Variants in ACVR1 observed in about 807,000 individuals in gnomAD.
ACVR1 encodes activin A receptor type 1.
In ACVR1, 38 loss-of-function variants were observed where a neutral mutation model predicts 57.1. The ratio of observed to expected loss-of-function variants is 0.67; its 90% CI spans 0.51 to 0.87. ACVR1 has a LOEUF of 0.87. Among genes scored for constraint, ACVR1 ranks in the 40% least tolerant of loss-of-function variants. The pLI is 0.00. For synonymous variants in ACVR1, 212 were observed against 228.1 expected, an observed-to-expected ratio of 0.93 and a Z score of 0.63; for missense variants, 463 against 638.2, an observed-to-expected ratio of 0.73 and a Z score of 2.96.
At chr2:157,803,460 GA>G (rs1687399526) in intron 2 of ACVR1, among the ~76,000 whole-genome samples, 1 of 151,828 alleles carries the variant, frequency 6.6e-6, no homozygotes, top group Non-Finnish European at 1.5e-5. Context: ...CAAAAGGAAA[GA>G]AAAAAAGAAT....
At chr2:157,738,294 A>T in intron 10 of ACVR1, 146 bp downstream of exon 10, 1 of 1,258,628 alleles carries the variant, frequency 7.9e-7, no homozygotes, top group East Asian at 2.4e-5. Flanking sequence ...ACTCTTCTAG[A>T]TCTAAACCCT....
chr2:157,764,376 T>G (rs975536658), intron 8 of ACVR1, among the ~76,000 whole-genome samples: 5 of 150,186 alleles, frequency 3.3e-5, no homozygotes, highest in African/African-American at 1.2e-4. Flanking sequence ...TTTTTTTTTT[T>G]TTTGTATTTT....
intron 3 of ACVR1, among the ~76,000 whole-genome samples, chr2:157,781,949 A>G (rs563316110): frequency 6.6e-6 from 1 of 152,252 alleles, no homozygotes; most frequent in South Asian, 2.1e-4. Flanking sequence ...CCAAAGGTCT[A>G]TGGCACATAG....
intron 2 of ACVR1, among the ~76,000 whole-genome samples, chr2:157,811,850 T>A (rs1687761761): frequency 1.3e-5 from 2 of 152,220 alleles, no homozygotes; most frequent in Admixed American, 6.5e-5. Flanking sequence ...AGAAATTGTT[T>A]TCAGTTTTCA....
chr2:157,752,511 A>G (rs1685244203), intron 9 of ACVR1, among the ~76,000 whole-genome samples: 1 of 152,254 alleles, frequency 6.6e-6, no homozygotes, highest in African/African-American at 2.4e-5. Flanking sequence ...TATTAAGCTA[A>G]TCAAGGAGGC....
chr2:157,866,444 CG>C (rs568810076), intron 1 of ACVR1, among the ~76,000 whole-genome samples: 5 of 151,790 alleles, frequency 3.3e-5, no homozygotes, highest in South Asian at 2.1e-4. Flanking sequence ...CCAAGGGAGG[CG>C]GGGGGGAAAG....
chr2:157,817,943 A>G (rs375280004), intron 2 of ACVR1, among the ~76,000 whole-genome samples: 1 of 150,894 alleles, frequency 6.6e-6, no homozygotes. Context: ...TGGAGGTTGC[A>G]GTGAACCGAG....
At chr2:157,750,330 T>C (rs946810512) in intron 9 of ACVR1, among the ~76,000 whole-genome samples, 7 of 152,236 alleles carry the variant, frequency 4.6e-5, no homozygotes, top group African/African-American at 4.8e-5. Context: ...TTCGATTCCA[T>C]TGGTGCTCAC....
chr2:157,827,781 T>C (rs1302738312), intron 1 of ACVR1, among the ~76,000 whole-genome samples: 1 of 152,114 alleles, frequency 6.6e-6, no homozygotes, highest in Non-Finnish European at 1.5e-5. Context: ...TCCAGGTCGA[T>C]GGAGGTAACA....
intron 3 of ACVR1, among the ~76,000 whole-genome samples, chr2:157,792,094 A>G (rs1418731721): frequency 6.6e-6 from 1 of 151,674 alleles, no homozygotes; most frequent in East Asian, 1.9e-4. Flanking sequence ...AGTCATCCCC[A>G]CCCCAATCCC....
At chr2:157,777,921 C>A (rs1229730546) in intron 5 of ACVR1, among the ~76,000 whole-genome samples, 2 of 152,156 alleles carry the variant, frequency 1.3e-5, no homozygotes, top group Non-Finnish European at 2.9e-5. Flanking sequence ...TAAATCCCAT[C>A]CCTTATTTAA....
chr2:157,755,156 C>A (rs938917891), intron 9 of ACVR1, among the ~76,000 whole-genome samples: 1 of 152,088 alleles, frequency 6.6e-6, no homozygotes, highest in Admixed American at 6.6e-5. Flanking sequence ...CAACATTATA[C>A]TGAACAGGGA....
intron 2 of ACVR1, among the ~76,000 whole-genome samples, chr2:157,805,955 T>C (rs1687515246): frequency 1.3e-5 from 2 of 151,238 alleles, no homozygotes; most frequent in South Asian, 4.2e-4. Flanking sequence ...CCTCAAGTAG[T>C]GGGGACTACA....
rs369399284 is a variant in ACVR1 at position 157,767,192 on chromosome 2, G to A, written c.791-996C>T. On this transcript the variant is annotated intron_variant, in intron 7 of 10. Transcript: ENST00000434821. ...GATTACAGGGGCCCACCATCACGCC[G>A]GGCTAATTTTTTATATTTTAAGTAG... is the stretch of plus-strand genomic sequence containing the variant. 6.2e-4 allele frequency among the ~76,000 whole-genome samples: 94 copies of A among 151,988 alleles called. No individual in the cohort carries two copies. In the South Asian group the frequency reaches 0.015, roughly 24 times the overall value.
At chr2:157,833,979 T>A (rs192170218) in intron 1 of ACVR1, among the ~76,000 whole-genome samples, 1 of 152,364 alleles carries the variant, frequency 6.6e-6, no homozygotes, top group African/African-American at 2.4e-5. Context: ...CTCTTAGAAC[T>A]TCTAACCAAA....
intron 2 of ACVR1, among the ~76,000 whole-genome samples, chr2:157,802,214 G>A (rs1276599872): frequency 6.6e-6 from 1 of 152,188 alleles, no homozygotes; most frequent in East Asian, 1.9e-4. Flanking sequence ...TGTGGTGGGA[G>A]AGGGTGAATA....
At chr2:157,755,439 A>T (rs1374402844) in intron 9 of ACVR1, among the ~76,000 whole-genome samples, 1 of 152,150 alleles carries the variant, frequency 6.6e-6, no homozygotes, top group Non-Finnish European at 1.5e-5. Flanking sequence ...TAATGTACAC[A>T]GATCAATAGT....
intron 1 of ACVR1, among the ~76,000 whole-genome samples, chr2:157,871,669 G>T (rs1410894537): frequency 2.0e-5 from 3 of 152,168 alleles, no homozygotes; most frequent in Non-Finnish European, 4.4e-5. Flanking sequence ...GGAAAACAAA[G>T]CTCTGATGGA....
Position 157,802,841 on chromosome 2 carries a change from A to G in ACVR1, c.-7-3341T>C, listed in dbSNP as rs74889964. On this transcript the variant is annotated intron_variant, in intron 2 of 10. Transcript: ENST00000434821. Reference sequence around the variant, plus strand: ...TGAATTCCACGGGAGGAAAATCTATAGTCTATCTTGTTCATCACTGCCAGA... The same window carrying G: ...TGAATTCCACGGGAGGAAAATCTATGGTCTATCTTGTTCATCACTGCCAGA... Among the ~76,000 whole-genome samples, 579 of 152,308 alleles carry G rather than the reference A, an allele frequency of 3.8e-3. 4 individuals are homozygous for G. Among genetic ancestry groups the G allele is most frequent in the African/African-American group, 0.014 (563 of 41,562 alleles).
Sources: allele counts gnomAD v4.1 joint callset (sites outside exome capture counted in the v4.1 genomes callset), GRCh38; gene constraint gnomAD v4.1.1; transcripts MANE v1.5; gene names NCBI Gene and HGNC (gene_info 2026-07-23, HGNC 2026-07-21).